SEPTIN7: variants seen among roughly 807,000 people sequenced by gnomAD.
The protein encoded by SEPTIN7 is septin 7, also known as septin-7.
Under a neutral mutation model 63.3 loss-of-function variants are expected in SEPTIN7, and 10 were observed. The observed-to-expected ratio is 0.16, with a 90% CI of 0.10 to 0.27. The LOEUF is 0.27. SEPTIN7 is among the 10% of genes least tolerant of loss of function. The pLI, the probability that SEPTIN7 is intolerant of heterozygous loss-of-function variation, is 1.00. For missense variants in SEPTIN7, 310 were observed against 521.0 expected (o/e 0.59, Z 3.94); for synonymous variants, 131 against 165.3 (o/e 0.79, Z 1.59).
chr7:35,802,469 C>A (rs1298046952), intron 1 of SEPTIN7, among the ~76,000 whole-genome samples: 2 of 152,178 alleles, frequency 1.3e-5, no homozygotes, highest in Non-Finnish European at 1.5e-5. Flanking sequence ...TTTAAGAATT[C>A]TTTCTTCTGG....
At chr7:35,821,202 C>T (rs1041328788) in intron 1 of SEPTIN7, among the ~76,000 whole-genome samples, 1 of 152,160 alleles carries the variant, frequency 6.6e-6, no homozygotes, top group Admixed American at 6.5e-5. Flanking sequence ...CAAGGCTCAG[C>T]CCCTTGTCTT....
intron 1 of SEPTIN7, among the ~76,000 whole-genome samples, chr7:35,803,998 A>G (rs1413395706): frequency 6.6e-6 from 1 of 152,144 alleles, no homozygotes; most frequent in African/African-American, 2.4e-5. Flanking sequence ...GTGGGGAAGT[A>G]ATTTTTTTTA....
downstream of SEPTIN7, among the ~76,000 whole-genome samples, chr7:35,910,879 G>T (rs1254311053): frequency 3.9e-5 from 6 of 152,340 alleles, no homozygotes; most frequent in South Asian, 8.3e-4. Flanking sequence ...ATAACAAAAA[G>T]TTGAGAAATA....
At chr7:35,890,192 T>A (rs1787547073) in intron 10 of SEPTIN7, among the ~76,000 whole-genome samples, 1 of 152,202 alleles carries the variant, frequency 6.6e-6, no homozygotes, top group African/African-American at 2.4e-5. Flanking sequence ...AACAGAAAAT[T>A]ACTCTAAAAT....
intron 7 of SEPTIN7, among the ~76,000 whole-genome samples, chr7:35,881,096 C>A (rs888652849): frequency 1.3e-5 from 2 of 151,602 alleles, no homozygotes; most frequent in Non-Finnish European, 2.9e-5. Context: ...TTCAGAATAC[C>A]TTGAAACCTG....
chr7:35,908,801 C>T (rs1381231147), downstream of SEPTIN7, among the ~76,000 whole-genome samples: 2 of 152,188 alleles, frequency 1.3e-5, no homozygotes, highest in Admixed American at 6.5e-5. Context: ...CACAGATTCC[C>T]CTGGGTGAGG....
chr7:35,833,916 A>G (rs1783954454), intron 3 of SEPTIN7, among the ~76,000 whole-genome samples: 1 of 151,876 alleles, frequency 6.6e-6, no homozygotes, highest in Admixed American at 6.6e-5. Context: ...GGCTCTTTGG[A>G]AGTTGTATAC....
chr7:35,895,818 T>C (rs1583645042), intron 11 of SEPTIN7, among the ~76,000 whole-genome samples: 1 of 151,792 alleles, frequency 6.6e-6, no homozygotes, highest in African/African-American at 2.4e-5. Context: ...AATGAAGATA[T>C]TTTTTTCTTC....
At chr7:35,825,359 T>TACAAAC (rs1783444415) in intron 1 of SEPTIN7, among the ~76,000 whole-genome samples, 4 of 152,204 alleles carry the variant, frequency 2.6e-5, no homozygotes, top group Non-Finnish European at 4.4e-5. Context: ...GAACTGTTTG[T>TACAAAC]AGTTCCTATA....
chr7:35,828,648 A>T (rs1266982174), intron 1 of SEPTIN7, among the ~76,000 whole-genome samples: 2 of 152,164 alleles, frequency 1.3e-5, no homozygotes, highest in African/African-American at 2.4e-5. Flanking sequence ...AAGTGCTAGG[A>T]TTACAGGCAT....
the SEPTIN7 span, among the ~76,000 whole-genome samples, chr7:35,915,007 ATG>A: frequency 6.6e-6 from 1 of 151,804 alleles, no homozygotes; most frequent in Non-Finnish European, 1.5e-5. Context: ...CATATAATGT[ATG>A]TGTACATATA....
In SEPTIN7 at chr7:35,877,879, A is replaced by C. The variant is rs537482736; in HGVS notation, c.513-1944A>C. 1.8e-3 allele frequency among the ~76,000 whole-genome samples: 276 copies of C among 152,306 alleles called. 1 individual carries two copies. Among genetic ancestry groups the C allele is most frequent in the African/African-American group, 6.3e-3 (260 of 41,576 alleles). On this transcript the variant is annotated intron_variant, in intron 6 of 13. Transcript: ENST00000350320. ...GGAGAAACAAATACAGATGCTCCTC[A>C]ACTTGGGACAGGGTTACCTGTTGAA...
intron 1 of SEPTIN7, among the ~76,000 whole-genome samples, chr7:35,814,123 C>T (rs1413060112): frequency 6.8e-6 from 1 of 147,084 alleles, no homozygotes; most frequent in East Asian, 1.9e-4. Flanking sequence ...GATAGTGGCT[C>T]AACATTTTAT....
intron 12 of SEPTIN7, chr7:35,901,665 T>G (rs980570214): frequency 3.9e-5 from 6 of 152,312 alleles, no homozygotes; most frequent in African/African-American, 1.4e-4. Context: ...TGATGAACAC[T>G]GTAAGCCTAC....
chr7:35,879,592 T>A, intron 6 of SEPTIN7: 1 of 337,798 alleles, frequency 3.0e-6, no homozygotes, highest in Non-Finnish European at 5.5e-6. Context: ...CAATTCCTCT[T>A]TAGGGCCAAA....
intron 1 of SEPTIN7, among the ~76,000 whole-genome samples, chr7:35,804,158 T>C (rs1254542728): frequency 6.6e-6 from 1 of 152,300 alleles, no homozygotes; most frequent in Admixed American, 6.5e-5. Flanking sequence ...TTGGATTCAT[T>C]TATCCTGTAC....
chr7:35,821,471 G>T (rs1180497311), intron 1 of SEPTIN7, among the ~76,000 whole-genome samples: 3 of 152,074 alleles, frequency 2.0e-5, no homozygotes, highest in Non-Finnish European at 4.4e-5. Context: ...TTTAATACAT[G>T]GAGGTACTGT....
intron 13 of SEPTIN7, 103 bp downstream of exon 13, chr7:35,903,318 C>A (rs765563898): frequency 7.1e-7 from 1 of 1,410,570 alleles, no homozygotes; most frequent in East Asian, 2.6e-5. Context: ...AAAGTCATCA[C>A]CCATTATCAT....
At chr7:35,903,366 T>G (rs1440990402) in intron 13 of SEPTIN7, among the ~76,000 whole-genome samples, 151 bp downstream of exon 13, 1 of 151,696 alleles carries the variant, frequency 6.6e-6, no homozygotes, top group Admixed American at 6.6e-5. Flanking sequence ...ATAAATATTT[T>G]TATATGGATG....
Sources: allele counts gnomAD v4.1 joint callset (sites outside exome capture counted in the v4.1 genomes callset), GRCh38; gene constraint gnomAD v4.1.1; transcripts MANE v1.5; gene names NCBI Gene and HGNC (gene_info 2026-07-23, HGNC 2026-07-21).